Variants in MIR2052HG observed in about 807,000 individuals in gnomAD.
MIR2052HG encodes MIR2052 host gene.
At chr8:74,670,641 A>C (rs1808981489) in intron 2 of MIR2052HG, among the ~76,000 whole-genome samples, 1 of 152,174 alleles carries the variant, frequency 6.6e-6, no homozygotes, top group Non-Finnish European at 1.5e-5. Flanking sequence ...ATACTTAAAC[A>C]AAACATGGAA....
chr8:74,731,464 G>A (rs949998095), intron 4 of MIR2052HG, among the ~76,000 whole-genome samples: 1 of 152,122 alleles, frequency 6.6e-6, no homozygotes, highest in African/African-American at 2.4e-5. Flanking sequence ...ACACAGACAT[G>A]GAATTCCACG....
intron 4 of MIR2052HG, among the ~76,000 whole-genome samples, chr8:74,717,906 A>G (rs1471556724): frequency 1.3e-5 from 2 of 152,184 alleles, no homozygotes. Context: ...CTGCATGCCA[A>G]TGACATTCAT....
chr8:74,678,563 C>CA (rs763073114), intron 2 of MIR2052HG, among the ~76,000 whole-genome samples: 4,201 of 51,786 alleles, frequency 0.081, 143 homozygotes, highest in African/African-American at 0.14. Context: ...GAGTTTGTCT[C>CA]AAAAAAAAAA....
At chr8:74,669,944 G>C (rs1383101909) in intron 2 of MIR2052HG, among the ~76,000 whole-genome samples, 5 of 152,144 alleles carry the variant, frequency 3.3e-5, no homozygotes, top group Admixed American at 3.3e-4. Context: ...TGGAGACAGG[G>C]CCTTTAGGAG....
At chr8:74,675,900 A>G (rs1809046556) in intron 2 of MIR2052HG, among the ~76,000 whole-genome samples, 1 of 152,140 alleles carries the variant, frequency 6.6e-6, no homozygotes, top group East Asian at 1.9e-4. Flanking sequence ...TATCGGTCCG[A>G]TAAATCTCTT....
At chr8:74,674,354 C>T (rs1809028218) in intron 2 of MIR2052HG, among the ~76,000 whole-genome samples, 1 of 151,864 alleles carries the variant, frequency 6.6e-6, no homozygotes, top group African/African-American at 2.4e-5. Flanking sequence ...ACCTCTCACT[C>T]CTCACACAGC....
intron 4 of MIR2052HG, among the ~76,000 whole-genome samples, chr8:74,749,117 G>A (rs1479003630): frequency 1.3e-5 from 2 of 152,154 alleles, no homozygotes; most frequent in African/African-American, 4.8e-5. Context: ...AAGGAAAGGT[G>A]AGATTTGTCA....
intron 2 of MIR2052HG, among the ~76,000 whole-genome samples, chr8:74,634,919 A>T (rs73337262): frequency 0.024 from 3,690 of 152,306 alleles, 135 homozygotes; most frequent in African/African-American, 0.08. Flanking sequence ...TGAATGTCAG[A>T]TATGGACATT....
Position 74,704,992 on chromosome 8 carries a change from G to A in MIR2052HG, n.371+1310G>A, listed in dbSNP as rs190790548. On this transcript the variant is annotated intron_variant and non_coding_transcript_variant, in intron 4 of 6. Coordinates refer to ENST00000523442, the Ensembl canonical transcript of MIR2052HG. ...GCATAGGGCCACATCATTATTGAAA[G>A]TTGCACTGGTCATGATGGTATAGCA... Among the ~76,000 whole-genome samples, 22 of 151,916 alleles carry A rather than the reference G, an allele frequency of 1.4e-4. 1 individual carries two copies. The highest frequency in any genetic ancestry group is 9.8e-4 in the Admixed American group (15 of 15,232).
At chr8:74,604,989 G>C (rs1808091088) in intron 1 of MIR2052HG, among the ~76,000 whole-genome samples, 2 of 152,162 alleles carry the variant, frequency 1.3e-5, no homozygotes, top group African/African-American at 4.8e-5. Context: ...CTTAGGGTCT[G>C]GATCAGAATG....
intron 2 of MIR2052HG, among the ~76,000 whole-genome samples, chr8:74,668,009 G>A (rs1404971915): frequency 6.6e-6 from 1 of 151,122 alleles, no homozygotes; most frequent in Non-Finnish European, 1.5e-5. Context: ...GGCATGCAAA[G>A]AGAGATGACT....
Position 74,620,476 on chromosome 8 carries a change from C to A in MIR2052HG, n.216+7536C>A, listed in dbSNP as rs562184667. Among the ~76,000 whole-genome samples the A allele has an allele frequency of 1.6e-4, 25 of 152,374 alleles. 1 individual carries two copies. Among genetic ancestry groups the A allele is most frequent in the African/African-American group, 6.0e-4 (25 of 41,594 alleles). On this transcript the variant is annotated intron_variant and non_coding_transcript_variant, in intron 2 of 6. Transcript: ENST00000523442. ...GGAAACTTCTGTCTGGACATCCAGG[C>A]ATTTCCCTAGATCCTCTGAAATCTA... is the stretch of plus-strand genomic sequence containing the variant.
chr8:74,706,880 G>T (rs765511071), intron 4 of MIR2052HG, among the ~76,000 whole-genome samples: 2 of 152,040 alleles, frequency 1.3e-5, no homozygotes, highest in Non-Finnish European at 2.9e-5. Context: ...AAATGAAGTC[G>T]TTGGGGAGGA....
At chr8:74,599,987 T>A (rs1195773344) in intron 1 of MIR2052HG, 2 of 154,224 alleles carry the variant, frequency 1.3e-5, no homozygotes, top group Non-Finnish European at 2.9e-5. Context: ...GTGACCCGAT[T>A]TTCCAGGTGC....
intron 4 of MIR2052HG, among the ~76,000 whole-genome samples, chr8:74,730,006 A>C (rs1809675311): frequency 6.6e-6 from 1 of 152,148 alleles, no homozygotes; most frequent in Non-Finnish European, 1.5e-5. Flanking sequence ...GAAAATGTGA[A>C]TAACTTTTAC....
At chr8:74,609,967 A>AAAAT (rs1475968056) in intron 1 of MIR2052HG, 1 of 151,712 alleles carries the variant, frequency 6.6e-6, no homozygotes, top group African/African-American at 2.4e-5. Flanking sequence ...CACTAAAACA[A>AAAAT]AAATAAATAA....
intron 4 of MIR2052HG, among the ~76,000 whole-genome samples, chr8:74,717,694 G>T (rs1809534109): frequency 6.6e-6 from 1 of 151,844 alleles, no homozygotes; most frequent in African/African-American, 2.4e-5. Flanking sequence ...CGTGGTGTCT[G>T]CTATTCAGGA....
At chr8:74,677,826 TA>T (rs571840134) in intron 2 of MIR2052HG, among the ~76,000 whole-genome samples, 5 of 151,898 alleles carry the variant, frequency 3.3e-5, no homozygotes, top group Non-Finnish European at 4.4e-5. Flanking sequence ...ATGGCTATAG[TA>T]AAAAAAATTT....
rs1479315481 is a variant in MIR2052HG, at chr8:74,624,148, A to G, written n.216+11208A>G. Among the ~76,000 whole-genome samples, 12 of 152,328 alleles carry G rather than the reference A, an allele frequency of 7.9e-5. No homozygotes were observed. In the East Asian group the frequency reaches 1.7e-3, roughly 22 times the overall value. Reference sequence around the variant, plus strand: ...TAGAAATCATGGAGATTTTGGTCCAACTGATTTTCCATTTTTTTCCGGGAA... The same window carrying G: ...TAGAAATCATGGAGATTTTGGTCCAGCTGATTTTCCATTTTTTTCCGGGAA... On this transcript the variant is annotated intron_variant and non_coding_transcript_variant, in intron 2 of 6. Coordinates refer to ENST00000523442, the Ensembl canonical transcript of MIR2052HG.
Sources: gnomAD v4.1 joint callset for allele counts (sites outside exome capture counted in the v4.1 genomes callset) on GRCh38, gnomAD v4.1.1 for gene constraint, MANE v1.5 for transcripts, NCBI Gene and HGNC (gene_info 2026-07-23, HGNC 2026-07-21) for gene names.